The following PCDH15 variants were observed in gnomAD, a reference collection of about 807,000 sequenced individuals.
PCDH15 encodes protocadherin related 15, also known as protocadherin-15.
A neutral mutation model predicts 178.5 loss-of-function variants in PCDH15; 129 were observed. The ratio of observed to expected loss-of-function variants is 0.72; its 90% CI spans 0.63 to 0.84. The LOEUF is 0.84. Ranked by LOEUF, PCDH15 falls within the 40% of genes least tolerant of loss-of-function variation. The probability of loss-of-function intolerance (pLI) is 0.00; values close to 1 mark genes in which losing one functional copy is unlikely to be tolerated. For synonymous variants in PCDH15, 800 were observed against 732.0 expected (o/e 1.09, Z -1.50); for missense variants, 2,230 against 2,099.9 (o/e 1.06, Z -1.21).
At chr10:54,546,078 T>A (rs2085820747) in intron 2 of PCDH15, among the ~76,000 whole-genome samples, 1 of 152,182 alleles carries the variant, frequency 6.6e-6, no homozygotes, top group Non-Finnish European at 1.5e-5. Context: ...ATGGGGATTG[T>A]ACCTATGAGG....
intron 21 of PCDH15, among the ~76,000 whole-genome samples, chr10:53,972,883 C>T (rs562159646): frequency 3.4e-4 from 52 of 152,076 alleles, no homozygotes; most frequent in Non-Finnish European, 3.7e-4. Flanking sequence ...GACAGTGTGG[C>T]GATTCCTCAA....
intron 21 of PCDH15, among the ~76,000 whole-genome samples, chr10:53,988,511 T>A (rs2091259871): frequency 1.3e-5 from 2 of 152,088 alleles, no homozygotes; most frequent in East Asian, 3.9e-4. Context: ...AGGGCTACGG[T>A]CCAAACATAG....
intron 2 of PCDH15, among the ~76,000 whole-genome samples, chr10:54,625,087 C>A (rs971691548): frequency 1.3e-5 from 2 of 152,102 alleles, no homozygotes; most frequent in Admixed American, 6.5e-5. Context: ...GACTGGGGAC[C>A]ACTGTGCTAA....
At chr10:53,965,863 G>A (rs1218642370) in intron 21 of PCDH15, among the ~76,000 whole-genome samples, 1 of 74,744 alleles carries the variant, frequency 1.3e-5, no homozygotes. Context: ...TTTTAATAAA[G>A]CCAAAATTTT....
At chr10:54,716,283 C>A (rs576243856) in intron 1 of PCDH15, among the ~76,000 whole-genome samples, 1 of 152,224 alleles carries the variant, frequency 6.6e-6, no homozygotes, top group South Asian at 2.1e-4. Flanking sequence ...TAGGTATATA[C>A]CCACCTATTT....
intron 3 of PCDH15, among the ~76,000 whole-genome samples, chr10:54,871,875 G>A (rs187861458): frequency 2.6e-5 from 4 of 151,938 alleles, no homozygotes; most frequent in Admixed American, 6.6e-5. Context: ...TCTATAGAAC[G>A]TAAGTTAATT....
intron 3 of PCDH15, among the ~76,000 whole-genome samples, chr10:54,440,726 A>G (rs1930173): frequency 0.47 from 71,164 of 151,734 alleles, 17,886 homozygotes; most frequent in Non-Finnish European, 0.57. Flanking sequence ...TTATTTATCT[A>G]CCTATTTATT....
chr10:54,437,484 G>A, intron 3 of PCDH15, among the ~76,000 whole-genome samples: 1 of 152,024 alleles, frequency 6.6e-6, no homozygotes, highest in East Asian at 1.9e-4. Context: ...AGTAGTAGCA[G>A]TATTGGTAGT....
intron 27 of PCDH15, 29 bp downstream of exon 27, chr10:53,866,613 T>A: frequency 6.4e-7 from 1 of 1,566,552 alleles, no homozygotes; most frequent in South Asian, 1.1e-5. Flanking sequence ...TCGTAGCTAC[T>A]TCCCTTTCCT....
chr10:54,153,309 A>T lies in PCDH15; in HGVS notation c.1591-16T>A. 1 of 1,613,464 alleles carries T rather than the reference A, an allele frequency of 6.2e-7. No homozygotes were observed. On this transcript the variant is annotated splice_polypyrimidine_tract_variant and intron_variant, in intron 13 of 37. Transcript: ENST00000644397. ...CTGCAGTGAGCTGGAATTGAAAATC[A>T]CAACATAAATCCTCTTGGGTCTCAA... is the stretch of plus-strand genomic sequence containing the variant.
intron 2 of PCDH15, among the ~76,000 whole-genome samples, chr10:55,425,045 A>G (rs1227249358): frequency 6.6e-6 from 1 of 152,058 alleles, no homozygotes; most frequent in African/African-American, 2.4e-5. Flanking sequence ...ATTAAATTGA[A>G]CAAATGATGC....
intron 16 of PCDH15, among the ~76,000 whole-genome samples, chr10:54,086,492 T>C (rs1176020457): frequency 6.6e-6 from 1 of 152,168 alleles, no homozygotes; most frequent in Admixed American, 6.5e-5. Context: ...CCTTGAAAGT[T>C]ATAGAGAAGT....
chr10:54,666,748 G>A (rs535846910), intron 1 of PCDH15, among the ~76,000 whole-genome samples: 4 of 151,946 alleles, frequency 2.6e-5, no homozygotes, highest in East Asian at 1.9e-4. Context: ...TTAAAGAGAC[G>A]GTAATATCTT....
intron 2 of PCDH15, among the ~76,000 whole-genome samples, chr10:54,663,704 AT>A (rs2135416613): frequency 6.7e-6 from 1 of 150,136 alleles, no homozygotes; most frequent in African/African-American, 2.4e-5. Context: ...AAAAAAAAAA[AT>A]AGTGGGGGAT....
At chr10:55,142,989 T>G (rs1289163211) in intron 2 of PCDH15, among the ~76,000 whole-genome samples, 2 of 152,108 alleles carry the variant, frequency 1.3e-5, no homozygotes, top group African/African-American at 4.8e-5. Flanking sequence ...GATTGGCTTA[T>G]GGGTGCAGAT....
intron 8 of PCDH15, among the ~76,000 whole-genome samples, chr10:54,245,871 T>C (rs2055868422): frequency 6.6e-6 from 1 of 152,004 alleles, no homozygotes; most frequent in South Asian, 2.1e-4. Context: ...AGGATATTCA[T>C]TGTACAATAT....
chr10:55,018,580 A>G (rs952317453), intron 2 of PCDH15, among the ~76,000 whole-genome samples: 3 of 152,130 alleles, frequency 2.0e-5, no homozygotes, highest in Non-Finnish European at 4.4e-5. Flanking sequence ...GAATAACTGT[A>G]CTGCAATAGT....
chr10:54,297,573 T>C (rs1452267882), intron 8 of PCDH15, among the ~76,000 whole-genome samples: 1 of 152,172 alleles, frequency 6.6e-6, no homozygotes, highest in East Asian at 1.9e-4. Context: ...CTCCCCTTCC[T>C]GTTAGTGATA....
At chr10:54,454,725 A>G (rs2076709660) in intron 3 of PCDH15, among the ~76,000 whole-genome samples, 1 of 152,170 alleles carries the variant, frequency 6.6e-6, no homozygotes, top group Admixed American at 6.5e-5. Flanking sequence ...TCTAAGTGCA[A>G]TGACAGCAAA....
Sources: allele counts gnomAD v4.1 joint callset (sites outside exome capture counted in the v4.1 genomes callset), GRCh38; gene constraint gnomAD v4.1.1; transcripts MANE v1.5; gene names NCBI Gene and HGNC (gene_info 2026-07-23, HGNC 2026-07-21).